The following RABGAP1L variants were observed in gnomAD, a reference collection of about 807,000 sequenced individuals.
RABGAP1L encodes RAB GTPase activating protein 1 like.
Under a neutral mutation model 137.7 loss-of-function variants are expected in RABGAP1L, and 63 were observed. That is an observed-to-expected ratio of 0.46 (90% CI 0.37 to 0.56). The LOEUF (loss-of-function observed/expected upper bound fraction) is 0.56. Ranked by LOEUF, RABGAP1L falls within the 20% of genes least tolerant of loss-of-function variation. The pLI, the probability that RABGAP1L is intolerant of heterozygous loss-of-function variation, is 0.00. For missense variants in RABGAP1L, 1,095 were observed against 1,244.0 expected (o/e 0.88, Z 1.80); for synonymous variants, 431 against 433.7 (o/e 0.99, Z 0.08).
intron 15 of RABGAP1L, among the ~76,000 whole-genome samples, chr1:174,688,236 A>G (rs1678621568): frequency 6.6e-6 from 1 of 152,132 alleles, no homozygotes; most frequent in African/African-American, 2.4e-5. Flanking sequence ...TCTAAAAATT[A>G]TATAAAATAT....
chr1:174,629,573 C>T (rs182837320), intron 13 of RABGAP1L, among the ~76,000 whole-genome samples: 19 of 152,112 alleles, frequency 1.2e-4, no homozygotes, highest in Middle Eastern at 3.4e-3. Flanking sequence ...CTCGCTCTGT[C>T]GCCCAGTGGC....
intron 11 of RABGAP1L, among the ~76,000 whole-genome samples, chr1:174,333,804 C>T (rs1018648276): frequency 6.6e-6 from 1 of 152,136 alleles, no homozygotes; most frequent in African/African-American, 2.4e-5. Context: ...TGGAGCAGAG[C>T]GTGGAACAAC....
chr1:174,803,569 T>G (rs953015716), intron 18 of RABGAP1L, among the ~76,000 whole-genome samples: 31 of 152,232 alleles, frequency 2.0e-4, no homozygotes, highest in Admixed American at 1.8e-3. Flanking sequence ...AGAAGCCATT[T>G]AGGATAAAAA....
At chr1:174,307,306 C>G (rs1678372905) in intron 11 of RABGAP1L, among the ~76,000 whole-genome samples, 1 of 152,152 alleles carries the variant, frequency 6.6e-6, no homozygotes, top group African/African-American at 2.4e-5. Flanking sequence ...GTAAAATTCA[C>G]ATAACATGAA....
rs1292617611 is a variant in RABGAP1L, at chr1:174,702,240, A to G, written c.2153A>G (p.Asp718Gly). 1.9e-6 allele frequency: 3 copies of G among 1,608,034 alleles called. No homozygotes were observed. The highest frequency in any genetic ancestry group is 2.5e-6 in the Non-Finnish European group (3 of 1,177,496). The change falls in exon 17 of 26, where the codon GAC becomes GGC. Residue 718 changes from aspartate to glycine, a missense_variant. Asp to Gly is a moderately conservative substitution (Grantham distance 94). Transcript: ENST00000681986. ...FPLCMVFHII[D>G]LLLCEGLNII... ...CTCTGCATGGTGTTCCACATCATTG[A>G]CTTACTGCTTTGTGAGGTAGAGTGA...
At chr1:174,652,756 A>G (rs1259451387) in intron 14 of RABGAP1L, among the ~76,000 whole-genome samples, 1 of 152,174 alleles carries the variant, frequency 6.6e-6, no homozygotes, top group Admixed American at 6.5e-5. Flanking sequence ...AGGTGTCCCC[A>G]GTCAGGAGGC....
intron 13 of RABGAP1L, among the ~76,000 whole-genome samples, chr1:174,527,270 C>A (rs1663970045): frequency 6.8e-6 from 1 of 146,372 alleles, no homozygotes; most frequent in Non-Finnish European, 1.5e-5. Flanking sequence ...GTGGCACGAT[C>A]TTGGCTCACT....
chr1:174,797,605 G>C (rs559164457), intron 18 of RABGAP1L, among the ~76,000 whole-genome samples: 75 of 129,846 alleles, frequency 5.8e-4, no homozygotes, highest in Non-Finnish European at 1.0e-3. Flanking sequence ...GTGTGTGGGC[G>C]TGTAGTGTGG....
intron 13 of RABGAP1L, chr1:174,548,503 C>T (rs886610915): frequency 1.1e-5 from 10 of 949,344 alleles, no homozygotes; most frequent in Non-Finnish European, 1.1e-5. Context: ...TTTCTCATGG[C>T]AGTGTACAAA....
intron 12 of RABGAP1L, among the ~76,000 whole-genome samples, chr1:174,377,173 C>G (rs1210966506): frequency 1.3e-5 from 2 of 151,996 alleles, no homozygotes; most frequent in Non-Finnish European, 2.9e-5. Context: ...CTTTGACATA[C>G]TAGAAAACAG....
chr1:174,480,559 C>G (rs1208580518), intron 13 of RABGAP1L, among the ~76,000 whole-genome samples: 1 of 152,210 alleles, frequency 6.6e-6, no homozygotes, highest in Non-Finnish European at 1.5e-5. Flanking sequence ...CCTTTAAGAG[C>G]AAGCTTCTTT....
intron 11 of RABGAP1L, among the ~76,000 whole-genome samples, chr1:174,312,713 A>G (rs183157575): frequency 5.9e-5 from 9 of 152,116 alleles, no homozygotes; most frequent in South Asian, 2.1e-4. Flanking sequence ...AGTGTTTCTT[A>G]TAGTAGTTTT....
intron 13 of RABGAP1L, among the ~76,000 whole-genome samples, chr1:174,402,496 C>T (rs913641248): frequency 7.2e-5 from 11 of 152,152 alleles, no homozygotes; most frequent in Middle Eastern, 3.4e-3. Context: ...AGTTCTAAAG[C>T]GCCTAACTTC....
chr1:174,606,914 A>G (rs1320839932), intron 13 of RABGAP1L, among the ~76,000 whole-genome samples: 2 of 152,222 alleles, frequency 1.3e-5, no homozygotes, highest in Non-Finnish European at 2.9e-5. Flanking sequence ...TATATTAAAT[A>G]TGGTAACTTT....
At chr1:174,946,295 A>G (rs1039140304) in intron 19 of RABGAP1L, among the ~76,000 whole-genome samples, 1 of 152,180 alleles carries the variant, frequency 6.6e-6, no homozygotes, top group African/African-American at 2.4e-5. Flanking sequence ...AATGTAGATG[A>G]TAGTCATGTA....
chr1:174,854,766 G>A (rs932057861), intron 19 of RABGAP1L, among the ~76,000 whole-genome samples: 3 of 31,790 alleles, frequency 9.4e-5, no homozygotes, highest in South Asian at 9.0e-4. Flanking sequence ...TTTTTGAGAC[G>A]TTGTCTCACT....
At chr1:174,376,415 G>A (rs1350493631) in intron 12 of RABGAP1L, among the ~76,000 whole-genome samples, 3 of 152,232 alleles carry the variant, frequency 2.0e-5, no homozygotes, top group South Asian at 2.1e-4. Flanking sequence ...TGTCCCTCAT[G>A]GATATAGACT....
intron 1 of RABGAP1L, among the ~76,000 whole-genome samples, chr1:174,214,922 A>G (rs1349922022): frequency 1.3e-5 from 2 of 152,208 alleles, no homozygotes; most frequent in African/African-American, 2.4e-5. Flanking sequence ...AGGACGTTGG[A>G]CTGGGCAAAG....
At chr1:174,591,082 T>C (rs1557876927) in intron 13 of RABGAP1L, among the ~76,000 whole-genome samples, 1 of 74,962 alleles carries the variant, frequency 1.3e-5, no homozygotes. Flanking sequence ...GGTTTTGATT[T>C]GCATTTCTCT....
Sources: allele counts gnomAD v4.1 joint callset (sites outside exome capture counted in the v4.1 genomes callset), GRCh38; gene constraint gnomAD v4.1.1; transcripts MANE v1.5; gene names NCBI Gene and HGNC (gene_info 2026-07-23, HGNC 2026-07-21).